UPK3A: variants seen among roughly 807,000 people sequenced by gnomAD.
UPK3A encodes uroplakin-3a.
UPK3A carries 32 observed loss-of-function variants against 27.6 expected under a neutral mutation model. The observed-to-expected ratio is 1.16, with a 90% CI of 0.87 to 1.55. UPK3A has a LOEUF of 1.55. Among genes scored for constraint, UPK3A ranks in the 40% most tolerant of loss-of-function variants. The pLI, the probability that UPK3A is intolerant of heterozygous loss-of-function variation, is 0.00. For missense variants in UPK3A, 370 were observed against 367.9 expected, an observed-to-expected ratio of 1.01 and a Z score of -0.05; for synonymous variants, 171 against 163.9, an observed-to-expected ratio of 1.04 and a Z score of -0.33.
chr22:45,289,495 G>A lies in UPK3A; in HGVS notation c.571+352G>A, dbSNP rs191815137. ...CGGGAGGCTAAGGCGGGAGAATAGC[G>A]TGAACCCGGGAGGTGGAGCTTGCAG... is the stretch of plus-strand genomic sequence containing the variant. On this transcript the variant is annotated intron_variant, in intron 4 of 5. Coordinates refer to ENST00000216211, the MANE Select transcript of UPK3A (RefSeq NM_006953.4). 2.1e-3 allele frequency among the ~76,000 whole-genome samples: 314 copies of A among 150,250 alleles called. 1 individual carries two copies. Among genetic ancestry groups the A allele is most frequent in the Non-Finnish European group, 1.8e-3 (119 of 67,730 alleles).
chr22:45,293,766 G>T (rs546245275), intron 5 of UPK3A, among the ~76,000 whole-genome samples: 6 of 152,156 alleles, frequency 3.9e-5, no homozygotes, highest in Non-Finnish European at 7.3e-5. Flanking sequence ...TGCTTTCGTT[G>T]TCATTATAAT....
chr22:45,291,042 T>C (rs2147796311), intron 4 of UPK3A, among the ~76,000 whole-genome samples: 1 of 152,226 alleles, frequency 6.6e-6, no homozygotes, highest in African/African-American at 2.4e-5. Context: ...AATATAGAAA[T>C]AAGGTGCACA....
chr22:45,288,924 C>A, intron 3 of UPK3A, 137 bp from the exon 4 acceptor site: 1 of 796,324 alleles, frequency 1.3e-6, no homozygotes, highest in Non-Finnish European at 2.1e-6. Flanking sequence ...CGCTCAGTAG[C>A]CGTCTACATT....
At chr22:45,295,496 C>A in intron 5 of UPK3A, 64 bp from the exon 6 acceptor site, 1 of 1,567,582 alleles carries the variant, frequency 6.4e-7, no homozygotes, top group Non-Finnish European at 8.8e-7. Flanking sequence ...GGTCCCCAAG[C>A]AGCTAAAGGC....
At chr22:45,295,511 G>A (rs2084188697) in intron 5 of UPK3A, 49 bp from the exon 6 acceptor site, 1 of 1,610,580 alleles carries the variant, frequency 6.2e-7, no homozygotes, top group Admixed American at 1.7e-5. Context: ...AAAGGCATTT[G>A]GGTTTGCTCT....
intron 4 of UPK3A, among the ~76,000 whole-genome samples, chr22:45,291,188 G>A (rs1021765010): frequency 1.8e-4 from 27 of 152,016 alleles, no homozygotes; most frequent in African/African-American, 6.5e-4. Flanking sequence ...GGTGTGTGGT[G>A]GGGTTGTGTG....
At chr22:45,292,610 T>C (rs929005671) in intron 4 of UPK3A, among the ~76,000 whole-genome samples, 2 of 152,164 alleles carry the variant, frequency 1.3e-5, no homozygotes, top group Non-Finnish European at 2.9e-5. Context: ...TTTAAAATTA[T>C]GCAAAGCCGG....
chr22:45,285,965 C>A lies in UPK3A; in HGVS notation c.77C>A (p.Ala26Asp). ...GCTGTGAACCTGCAGCCCCAACTGG[C>A]CAGTGTGACTTTCGCCACCAACAAC... is the stretch of plus-strand genomic sequence containing the variant. Reference protein sequence around the residue: ...GSAVNLQPQLASVTFATNNPT... With the variant: ...GSAVNLQPQLDSVTFATNNPT... The change falls in exon 2 of 6, where the codon GCC (alanine) becomes GAC (aspartate). Residue 26 changes from alanine to aspartate, a missense_variant. Physicochemically the swap from Ala to Asp is moderately radical, Grantham distance 126 (BLOSUM62 -2). Coordinates refer to ENST00000216211, the MANE Select transcript of UPK3A (RefSeq NM_006953.4). 1 of 1,614,094 alleles carries A rather than the reference C, an allele frequency of 6.2e-7. No homozygotes were observed. The highest frequency in any genetic ancestry group is 8.5e-7 in the Non-Finnish European group (1 of 1,179,994).
intron 1 of UPK3A, 128 bp downstream of exon 1, chr22:45,285,193 A>T (rs1019138475): frequency 1.3e-4 from 110 of 864,640 alleles, no homozygotes; most frequent in Non-Finnish European, 1.8e-4. Flanking sequence ...AATAATAGTG[A>T]TAGCCAACGT....
intron 3 of UPK3A, among the ~76,000 whole-genome samples, chr22:45,288,858 G>C (rs1476077204): frequency 6.6e-6 from 1 of 152,046 alleles, no homozygotes; most frequent in African/African-American, 2.4e-5. Flanking sequence ...ATCCAGGGAG[G>C]GGTCCTGGGG....
At chr22:45,290,671 C>T (rs2084154212) in intron 4 of UPK3A, among the ~76,000 whole-genome samples, 3 of 151,898 alleles carry the variant, frequency 2.0e-5, no homozygotes, top group Admixed American at 2.0e-4. Flanking sequence ...GGGCCATGGA[C>T]CAGTACCAGT....
At chr22:45,293,959 C>A (rs2084178897) in intron 5 of UPK3A, among the ~76,000 whole-genome samples, 1 of 152,062 alleles carries the variant, frequency 6.6e-6, no homozygotes, top group Non-Finnish European at 1.5e-5. Context: ...AGGGGTGTAC[C>A]AGGTTTAGCA....
intron 3 of UPK3A, 97 bp downstream of exon 3, chr22:45,287,548 A>G: frequency 4.8e-6 from 7 of 1,466,586 alleles, no homozygotes; most frequent in Non-Finnish European, 6.5e-6. Flanking sequence ...ACTTCTTGAG[A>G]ACTTATATGC....
chr22:45,292,372 T>C (rs1168962179), intron 4 of UPK3A, among the ~76,000 whole-genome samples: 3 of 152,162 alleles, frequency 2.0e-5, no homozygotes, highest in Non-Finnish European at 4.4e-5. Context: ...CAGTGAGTGA[T>C]CTGCAGAATG....
At chr22:45,292,109 G>A (rs190552052) in intron 4 of UPK3A, among the ~76,000 whole-genome samples, 44 of 152,304 alleles carry the variant, frequency 2.9e-4, no homozygotes, top group African/African-American at 9.4e-4. Context: ...CCCAAGCCCC[G>A]CCTCTGCCCC....
chr22:45,293,223 GCGGAGGCA>G lies in UPK3A; in HGVS notation c.615_622del (p.Gly206AspfsTer33). The G allele has an allele frequency of 6.2e-7, 1 of 1,614,004 alleles. No homozygotes were observed. The highest frequency in any genetic ancestry group is 1.7e-5 in the Admixed American group (1 of 60,000). On this transcript the variant is annotated frameshift_variant, in exon 5 of 6. Coordinates refer to ENST00000216211, the MANE Select transcript of UPK3A (RefSeq NM_006953.4). LOFTEE classifies it high-confidence loss of function. ...ATCGACACGTGGCCAGGCCGGCGGAGCGGAGGCATGATCGTCATCACTTCCATCCTGGG... is the reference window on the plus strand; with the variant it reads ...ATCGACACGTGGCCAGGCCGGCGGAGTGATCGTCATCACTTCCATCCTGGG...
chr22:45,295,412 T>C, intron 5 of UPK3A, 148 bp from the exon 6 acceptor site: 1 of 906,188 alleles, frequency 1.1e-6, no homozygotes, highest in Admixed American at 1.7e-5. Flanking sequence ...ACAGGGTCAG[T>C]GCTCCAGAAA....
chr22:45,286,120 C>G (rs2084116493), intron 2 of UPK3A, 24 bp downstream of exon 2: 1 of 1,613,646 alleles, frequency 6.2e-7, no homozygotes, highest in South Asian at 1.1e-5. Context: ...TTCCCTCTGG[C>G]TACTCCAAAA....
In UPK3A at chr22:45,287,441, A is replaced by G. The variant is rs765825683; in HGVS notation, c.478A>G (p.Thr160Ala). Residue 160 changes from threonine (T) to alanine (A), a missense_variant, in exon 3 of 6, where the codon ACG becomes GCG. Coordinates refer to ENST00000216211, the MANE Select transcript of UPK3A (RefSeq NM_006953.4). ...GLCNAPLSAA[T>A]EYRFKYVLVN... is the part of the protein sequence containing the mutation. ...CTGTAACGCACCCCTGTCGGCAGCC[A>G]CGGAGTACAGGTGGGTGTAAACAAA... 2 of 1,596,508 alleles carry G rather than the reference A, an allele frequency of 1.3e-6. No homozygotes were observed. The highest frequency in any genetic ancestry group is 2.3e-5 in the East Asian group (1 of 44,258).
Sources: allele counts gnomAD v4.1 joint callset (sites outside exome capture counted in the v4.1 genomes callset), GRCh38; gene constraint gnomAD v4.1.1; transcripts MANE v1.5; gene names NCBI Gene and HGNC (gene_info 2026-07-23, HGNC 2026-07-21).